SPAG9: variants seen among roughly 807,000 people sequenced by gnomAD.
The protein encoded by SPAG9 is sperm associated antigen 9, also known as C-Jun-amino-terminal kinase-interacting protein 4.
SPAG9 carries 35 observed loss-of-function variants against 166.5 expected under a neutral mutation model. The ratio of observed to expected loss-of-function variants is 0.21; its 90% CI spans 0.16 to 0.28. SPAG9 has a LOEUF of 0.28. Ranked by LOEUF, SPAG9 falls within the 10% of genes least tolerant of loss-of-function variation. The pLI is 1.00. For synonymous variants in SPAG9, 534 were observed against 565.5 expected (o/e 0.94, Z 0.79); for missense variants, 1,235 against 1,603.3 (o/e 0.77, Z 3.92).
chr17:50,965,792 A>G lies in SPAG9; in HGVS notation c.*480T>C, dbSNP rs1567942020. On this transcript the variant is annotated 3_prime_UTR_variant, in exon 30 of 30. Coordinates refer to ENST00000262013, the MANE Select transcript of SPAG9 (RefSeq NM_001130528.3). Reference sequence around the variant, plus strand: ...ACAGTTAGCTTTTAACCCTCTCGGGACATTTAGATACATCCTGATAATCCA... The same window carrying G: ...ACAGTTAGCTTTTAACCCTCTCGGGGCATTTAGATACATCCTGATAATCCA... 1.3e-5 allele frequency: 2 copies of G among 153,928 alleles called. No homozygotes were observed. Among genetic ancestry groups the G allele is most frequent in the Non-Finnish European group, 2.9e-5 (2 of 69,004 alleles). The allele number at this position is 153,928 out of a possible 1,614,324, so 9.5% of individuals were successfully genotyped here. A position where few individuals can be genotyped will look rare whatever the true frequency, so the allele number is the denominator to read the frequency against.
chr17:51,037,646 A>G (rs1265626969), intron 5 of SPAG9, among the ~76,000 whole-genome samples: 1 of 123,096 alleles, frequency 8.1e-6, no homozygotes, highest in African/African-American at 2.9e-5. Context: ...TATAAATAAA[A>G]TAAGTAAATA....
At chr17:50,995,768 C>A in intron 16 of SPAG9, 1 of 412,664 alleles carries the variant, frequency 2.4e-6, no homozygotes, top group South Asian at 3.9e-5. Flanking sequence ...CTTAAGCGGT[C>A]CCCTCCCACC....
rs1224113400 is a variant in SPAG9 at position 51,077,041 on chromosome 17, T to TCTAGCTATCTAGCTAGCTAGCTATCTAG, written c.424+2542_424+2543insCTAGATAGCTAGCTAGCTAGATAGCTAG. 1.2e-4 allele frequency among the ~76,000 whole-genome samples: 12 copies of TCTAGCTATCTAGCTAGCTAGCTATCTAG among 98,562 alleles called. No individual in the cohort carries two copies. In the South Asian group the frequency reaches 2.8e-3, roughly 23 times the overall value. The allele number at this position is 98,562 out of a possible 152,430, so 64.7% of individuals were successfully genotyped here. A position where few individuals can be genotyped will look rare whatever the true frequency, so the allele number is the denominator to read the frequency against. Reference sequence around the variant, plus strand: ...AGCTATCTAGCTATCTATCTAGCTATCTAGCTATCTAGCTAGCTATCTAGC... The same window carrying TCTAGCTATCTAGCTAGCTAGCTATCTAG: ...AGCTATCTAGCTATCTATCTAGCTATCTAGCTATCTAGCTAGCTAGCTATCTAGCTAGCTATCTAGCTAGCTATCTAGC... On this transcript the variant is annotated intron_variant, in intron 2 of 29. Transcript: ENST00000262013.
chr17:50,967,303 A>G (rs1258709063), intron 29 of SPAG9, among the ~76,000 whole-genome samples: 1 of 152,262 alleles, frequency 6.6e-6, no homozygotes, highest in Non-Finnish European at 1.5e-5. Context: ...CTAAAGATAT[A>G]TTCCACTGAT....
chr17:51,002,301 G>A (rs1021989592), intron 12 of SPAG9, among the ~76,000 whole-genome samples: 4 of 152,090 alleles, frequency 2.6e-5, no homozygotes, highest in African/African-American at 9.7e-5. Flanking sequence ...ACAGGTGTAA[G>A]CCACTGTGCC....
chr17:50,972,046 C>T (rs1973862728), intron 28 of SPAG9, among the ~76,000 whole-genome samples: 1 of 152,112 alleles, frequency 6.6e-6, no homozygotes, highest in South Asian at 2.1e-4. Context: ...GGATTACAGG[C>T]ATGAGACACT....
At chr17:51,086,317 T>G (rs552017235) in intron 1 of SPAG9, among the ~76,000 whole-genome samples, 2 of 151,972 alleles carry the variant, frequency 1.3e-5, no homozygotes, top group African/African-American at 4.8e-5. Context: ...AGTCTTGGTT[T>G]GGAAACGTAC....
chr17:51,005,115 T>G, intron 12 of SPAG9, 97 bp downstream of exon 12: 1 of 1,009,772 alleles, frequency 9.9e-7, no homozygotes, highest in Non-Finnish European at 1.5e-6. Flanking sequence ...CTTTTAAAAA[T>G]CTTTATAGTA....
chr17:51,046,444 G>A, intron 4 of SPAG9: 1 of 1,282,750 alleles, frequency 7.8e-7, no homozygotes, highest in Admixed American at 2.2e-5. Flanking sequence ...GACCCGTTGA[G>A]CTAAAAATTT....
chr17:51,117,363 C>T (rs1355460950), intron 1 of SPAG9, among the ~76,000 whole-genome samples: 1 of 152,082 alleles, frequency 6.6e-6, no homozygotes, highest in African/African-American at 2.4e-5. Context: ...ATCACTTTTG[C>T]TGTAAATACC....
Position 51,021,195 on chromosome 17 carries a change from T to G in SPAG9, c.954A>C (p.Glu318Asp). The part of the protein sequence containing the change: ...PNKSEISKHI[E>D]VQVAQETRNV... ...TTCTAGTTTCCTGGGCTACCTGTAC[T>G]TCAATGTGTTTGCTTATCTCTGATT... is the stretch of plus-strand genomic sequence containing the variant. The change falls in exon 7 of 30, where the codon GAA (glutamate) becomes GAC (aspartate). Residue 318 changes from glutamate (E) to aspartate (D), a missense_variant. By Grantham distance (45) the Glu-to-Asp change is conservative. Around this residue, in one of 6 missense-constraint regions of SPAG9, gnomAD observed 288 missense variants for 323.7 expected, o/e 0.89. Coordinates refer to ENST00000262013, the MANE Select transcript of SPAG9 (RefSeq NM_001130528.3). 6.2e-7 allele frequency: 1 copy of G among 1,614,084 alleles called. No homozygotes were observed. Among genetic ancestry groups the G allele is most frequent in the Non-Finnish European group, 8.5e-7 (1 of 1,179,984 alleles).
At chr17:51,026,320 G>GAAAAAAAAAAAAAAA (rs55851511) in intron 6 of SPAG9, among the ~76,000 whole-genome samples, 1 of 89,370 alleles carries the variant, frequency 1.1e-5, no homozygotes, top group Non-Finnish European at 2.3e-5. Context: ...GGTGAAAAGA[G>GAAAAAAAAAAAAAAA]AAAAAAAAAA....
chr17:51,120,837 C>A lies in SPAG9; in HGVS notation c.-181G>T, dbSNP rs933004763. 3.9e-5 allele frequency: 16 copies of A among 411,110 alleles called. No homozygotes were observed. The highest frequency in any genetic ancestry group is 6.3e-5 in the Non-Finnish European group (15 of 238,622). 25.5% of individuals were successfully genotyped at this position (411,110 alleles called of 1,614,324 possible). A position where few individuals can be genotyped will look rare whatever the true frequency, so the allele number is the denominator to read the frequency against. On this transcript the variant is annotated 5_prime_UTR_variant, in exon 1 of 30. Coordinates refer to ENST00000262013, the MANE Select transcript of SPAG9 (RefSeq NM_001130528.3). The surrounding 1 kb of genome is among the most constrained non-coding windows in gnomAD (Gnocchi z 4.7). ...GAGGAGGGGAGGGGTGGCGTAGGCG[C>A]TCTCACCCCAACCGCCGCTGCACCA... is the stretch of plus-strand genomic sequence containing the variant.
chr17:51,098,811 G>A (rs184828778), intron 1 of SPAG9, among the ~76,000 whole-genome samples: 1 of 150,260 alleles, frequency 6.7e-6, no homozygotes, highest in Non-Finnish European at 1.5e-5. Flanking sequence ...TAAAGAATTG[G>A]TTACTTTGGG....
At chr17:51,027,556 T>C (rs192199870) in intron 6 of SPAG9, among the ~76,000 whole-genome samples, 7 of 152,296 alleles carry the variant, frequency 4.6e-5, no homozygotes, top group Admixed American at 3.3e-4. Flanking sequence ...TGGTCAATAA[T>C]AGACAGCATA....
At chr17:51,026,129 CCTT>C (rs1460776607) in intron 6 of SPAG9, among the ~76,000 whole-genome samples, 3 of 152,044 alleles carry the variant, frequency 2.0e-5, no homozygotes, top group Admixed American at 6.6e-5. Flanking sequence ...TCTTCTTCCT[CCTT>C]ATTATTCCAG....
chr17:50,979,995 G>A (rs984988089), intron 25 of SPAG9, 78 bp from the exon 26 acceptor site: 4 of 1,306,270 alleles, frequency 3.1e-6, no homozygotes, highest in Non-Finnish European at 4.3e-6. Context: ...ATTTGCACAA[G>A]TTAGCAGACT....
At chr17:51,118,369 C>A (rs991299620) in intron 1 of SPAG9, among the ~76,000 whole-genome samples, 1 of 152,122 alleles carries the variant, frequency 6.6e-6, no homozygotes, top group Admixed American at 6.6e-5. Flanking sequence ...TAATAGGGAA[C>A]CCAGAGTCTA....
At chr17:51,027,512 T>C (rs1343304966) in intron 6 of SPAG9, among the ~76,000 whole-genome samples, 6 of 151,330 alleles carry the variant, frequency 4.0e-5, no homozygotes, top group Non-Finnish European at 5.9e-5. Flanking sequence ...CATAAGATAA[T>C]ACGATCATGT....
Sources: gnomAD v4.1 joint callset for allele counts (sites outside exome capture counted in the v4.1 genomes callset) on GRCh38, gnomAD v4.1.1 for gene constraint, gnomAD v4.1.1 regional missense constraint, Gnocchi (gnomAD v3.1) non-coding constraint, MANE v1.5 for transcripts, NCBI Gene and HGNC (gene_info 2026-07-23, HGNC 2026-07-21) for gene names.